WDPCP: variants seen among roughly 807,000 people sequenced by gnomAD.
The protein encoded by WDPCP is WD repeat-containing and planar cell polarity effector protein fritz homolog.
A neutral mutation model predicts 93.1 loss-of-function variants in WDPCP; 71 were observed. That is an observed-to-expected ratio of 0.76 (90% confidence interval 0.63 to 0.93). The LOEUF (loss-of-function observed/expected upper bound fraction) is 0.93. Ranked by LOEUF, WDPCP falls within the 40% of genes least tolerant of loss-of-function variation. The pLI, the probability that WDPCP is intolerant of heterozygous loss-of-function variation, is 0.00. For synonymous variants in WDPCP, 315 were observed against 315.0 expected (o/e 1.00, Z 0.00); for missense variants, 844 against 887.4 (o/e 0.95, Z 0.62).
At chr2:63,384,092 GA>G (rs1023529107) in intron 10 of WDPCP, among the ~76,000 whole-genome samples, 1 of 151,388 alleles carries the variant, frequency 6.6e-6, no homozygotes, top group Non-Finnish European at 1.5e-5. Flanking sequence ...ATGGGTCAAA[GA>G]AAAAAATGTC....
intron 2 of WDPCP, among the ~76,000 whole-genome samples, chr2:63,765,241 G>A (rs1670119880): frequency 6.6e-6 from 1 of 152,210 alleles, no homozygotes; most frequent in African/African-American, 2.4e-5. Context: ...ACTTTCCTGA[G>A]GAGACATTTC....
intron 3 of WDPCP, chr2:63,606,719 C>A: frequency 5.0e-6 from 2 of 399,922 alleles, no homozygotes; most frequent in African/African-American, 2.1e-5. Context: ...TTAGAATTAT[C>A]TATTAATTAA....
intron 9 of WDPCP, among the ~76,000 whole-genome samples, chr2:63,422,894 G>T (rs1695976734): frequency 2.6e-5 from 4 of 152,176 alleles, no homozygotes; most frequent in African/African-American, 9.7e-5. Context: ...AAGGATGGAT[G>T]GGGGACTTCT....
chr2:63,649,451 A>T (rs1710086064), intron 3 of WDPCP, among the ~76,000 whole-genome samples: 1 of 152,166 alleles, frequency 6.6e-6, no homozygotes, highest in Non-Finnish European at 1.5e-5. Context: ...TCATTAGTTG[A>T]TAGTCACTTA....
intron 14 of WDPCP, among the ~76,000 whole-genome samples, chr2:63,234,621 A>G (rs1447678677): frequency 6.6e-6 from 1 of 152,216 alleles, no homozygotes; most frequent in East Asian, 1.9e-4. Context: ...TAGACAATAC[A>G]CAGGTGATAA....
intron 17 of WDPCP, among the ~76,000 whole-genome samples, chr2:63,149,599 A>C (rs1006837649): frequency 1.1e-4 from 17 of 152,342 alleles, no homozygotes; most frequent in African/African-American, 3.4e-4. Flanking sequence ...AGAATGAATA[A>C]ACTGAGTAGT....
At chr2:63,136,192 C>T (rs1373937048) in intron 17 of WDPCP, among the ~76,000 whole-genome samples, 1 of 152,126 alleles carries the variant, frequency 6.6e-6, no homozygotes, top group Non-Finnish European at 1.5e-5. Flanking sequence ...ATATATTCCC[C>T]AGAGGACTTT....
intron 9 of WDPCP, among the ~76,000 whole-genome samples, chr2:63,423,228 T>G (rs938973916): frequency 2.6e-5 from 4 of 152,232 alleles, no homozygotes; most frequent in Non-Finnish European, 4.4e-5. Context: ...AAGAGGTTTC[T>G]TTAAAAATTG....
At chr2:63,773,339 G>A (rs1670257728) in intron 2 of WDPCP, among the ~76,000 whole-genome samples, 1 of 151,920 alleles carries the variant, frequency 6.6e-6, no homozygotes, top group South Asian at 2.1e-4. Context: ...CCAGACATAA[G>A]GAGTAAATGT....
intron 3 of WDPCP, among the ~76,000 whole-genome samples, chr2:63,618,558 G>T (rs939045231): frequency 3.9e-5 from 6 of 152,112 alleles, no homozygotes. Context: ...ACGCTGGAAC[G>T]ATTTCTTATT....
intron 1 of WDPCP, among the ~76,000 whole-genome samples, chr2:63,816,549 G>A (rs1292680024): frequency 1.3e-5 from 2 of 152,120 alleles, no homozygotes; most frequent in Non-Finnish European, 2.9e-5. Context: ...ACAAACCAAG[G>A]AATATCTGGA....
At chr2:63,179,360 G>T (rs1185931270) in intron 14 of WDPCP, among the ~76,000 whole-genome samples, 1 of 151,818 alleles carries the variant, frequency 6.6e-6, no homozygotes, top group Non-Finnish European at 1.5e-5. Context: ...AAGGTGAAAT[G>T]GAAGGTGACT....
intron 13 of WDPCP, among the ~76,000 whole-genome samples, chr2:63,270,371 A>ATTTT (rs1226987295): frequency 6.6e-6 from 1 of 151,960 alleles, no homozygotes; most frequent in African/African-American, 2.4e-5. Context: ...CAGGAGTTCT[A>ATTTT]TTTTTGATTA....
chr2:63,651,403 G>A (rs1044314026), intron 2 of WDPCP, among the ~76,000 whole-genome samples: 3 of 151,880 alleles, frequency 2.0e-5, no homozygotes, highest in Non-Finnish European at 2.9e-5. Context: ...AAAGGCTTCC[G>A]TTTCAATTAG....
At chr2:63,429,976 TACACACACACACACACACACACACAC>T (rs199517613) in intron 9 of WDPCP, among the ~76,000 whole-genome samples, 4 of 137,342 alleles carry the variant, frequency 2.9e-5, no homozygotes, top group African/African-American at 8.2e-5. Flanking sequence ...GAAAATGTTA[TACACACACACACACACACACACACAC>T]ACACACACAC....
At chr2:63,668,878 C>G (rs1017898102) in intron 2 of WDPCP, among the ~76,000 whole-genome samples, 8 of 152,154 alleles carry the variant, frequency 5.3e-5, no homozygotes, top group African/African-American at 1.9e-4. Flanking sequence ...GGCATATCAC[C>G]CATATATTAG....
intron 13 of WDPCP, among the ~76,000 whole-genome samples, chr2:63,299,117 G>A (rs1382191196): frequency 6.6e-6 from 1 of 152,162 alleles, no homozygotes; most frequent in Non-Finnish European, 1.5e-5. Context: ...CCACACGTCA[G>A]CACCTGAAAG....
At chr2:63,397,500 C>T (rs1558573271) in intron 10 of WDPCP, among the ~76,000 whole-genome samples, 1 of 152,026 alleles carries the variant, frequency 6.6e-6, no homozygotes, top group South Asian at 2.1e-4. Context: ...GATAACAAAA[C>T]TGAAAATAAA....
At chr2:63,194,133 T>C (rs1391671224) in intron 14 of WDPCP, among the ~76,000 whole-genome samples, 2 of 152,204 alleles carry the variant, frequency 1.3e-5, no homozygotes, top group Non-Finnish European at 2.9e-5. Context: ...TTTTCTACCT[T>C]CAAGTTCACT....
Sources: allele counts gnomAD v4.1 joint callset (sites outside exome capture counted in the v4.1 genomes callset), GRCh38; gene constraint gnomAD v4.1.1; transcripts MANE v1.5; gene names NCBI Gene and HGNC (gene_info 2026-07-23, HGNC 2026-07-21).